Variants in LYPD1 observed in about 807,000 individuals in gnomAD.
The protein encoded by LYPD1 is ly6/PLAUR domain-containing protein 1.
LYPD1 carries 14 observed loss-of-function variants against 14.2 expected under a neutral mutation model. The ratio of observed to expected loss-of-function variants is 0.99; its 90% CI spans 0.65 to 1.54. The LOEUF (loss-of-function observed/expected upper bound fraction) is 1.54. LYPD1 is among the 40% of genes most tolerant of loss of function. The pLI, the probability that LYPD1 is intolerant of heterozygous loss-of-function variation, is 0.00. For missense variants in LYPD1, 165 were observed against 175.7 expected (o/e 0.94, Z 0.34); for synonymous variants, 85 against 70.6 (o/e 1.20, Z -1.02).
chr2:132,645,042 G>T lies in LYPD1; in HGVS notation c.*1003C>A. The T allele has an allele frequency of 6.5e-7, 1 of 1,537,378 alleles. No homozygotes were observed. The highest frequency in any genetic ancestry group is 1.3e-5 in the South Asian group (1 of 79,604). ...TATTTTATGGTTTTATTCATTTACT[G>T]TGTTCTCATGCTGTGTTTTTCTTTT... is the stretch of plus-strand genomic sequence containing the variant. On this transcript the variant is annotated 3_prime_UTR_variant, in exon 3 of 3. Transcript: ENST00000397463.
intron 2 of LYPD1, among the ~76,000 whole-genome samples, chr2:132,662,216 T>C (rs1483790380): frequency 6.6e-6 from 1 of 152,234 alleles, no homozygotes; most frequent in Non-Finnish European, 1.5e-5. Flanking sequence ...GGATAGTGAA[T>C]GGGGCAACTC....
chr2:132,660,883 C>T (rs73955780), intron 2 of LYPD1, among the ~76,000 whole-genome samples: 3,783 of 152,234 alleles, frequency 0.025, 144 homozygotes, highest in African/African-American at 0.079. Context: ...TCATTGTAGA[C>T]GACCAAATCA....
chr2:132,658,493 G>A (rs1411402829), intron 2 of LYPD1, among the ~76,000 whole-genome samples: 1 of 152,162 alleles, frequency 6.6e-6, no homozygotes, highest in East Asian at 1.9e-4. Flanking sequence ...AGCCATAGCT[G>A]CCTTGGCCTT....
Position 132,645,172 on chromosome 2 carries a change from C to G in LYPD1, c.*873G>C, listed in dbSNP as rs1681987002. 6.8e-6 allele frequency: 11 copies of G among 1,614,190 alleles called. No homozygotes were observed. The highest frequency in any genetic ancestry group is 9.3e-6 in the Non-Finnish European group (11 of 1,180,028). On this transcript the variant is annotated 3_prime_UTR_variant, in exon 3 of 3. Coordinates refer to ENST00000397463, the MANE Select transcript of LYPD1 (RefSeq NM_144586.7). ...TCGGAGGATCATGGCTGCGGCCAAA[C>G]CCAAGCACGACTGGACGAGGTCCTA... is the stretch of plus-strand genomic sequence containing the variant.
intron 2 of LYPD1, among the ~76,000 whole-genome samples, chr2:132,656,808 G>A (rs1359464136): frequency 6.6e-6 from 1 of 152,124 alleles, no homozygotes; most frequent in Non-Finnish European, 1.5e-5. Context: ...AACCCAACAA[G>A]AATGCTAACA....
chr2:132,665,439 G>A (rs1252915448), intron 2 of LYPD1, among the ~76,000 whole-genome samples: 1 of 152,172 alleles, frequency 6.6e-6, no homozygotes, highest in East Asian at 1.9e-4. Context: ...AGATTCTTTT[G>A]ACATCCACTT....
intron 2 of LYPD1, among the ~76,000 whole-genome samples, chr2:132,663,530 C>T (rs946485509): frequency 2.0e-5 from 3 of 152,216 alleles, no homozygotes; most frequent in Admixed American, 6.5e-5. Context: ...CTACCTCAAG[C>T]TTCCCAAAGT....
In LYPD1 at chr2:132,668,557, G is replaced by A; in HGVS notation, c.53-20C>T. ...CAAAGCCTGCGAGACAGACGCAGTCGGGTTCAGATCCGGCCCCCACAGAGC... is the reference window on the plus strand; with the variant it reads ...CAAAGCCTGCGAGACAGACGCAGTCAGGTTCAGATCCGGCCCCCACAGAGC... On this transcript the variant is annotated intron_variant, in intron 1 of 2. Transcript: ENST00000397463. 2 of 1,609,418 alleles carry A rather than the reference G, an allele frequency of 1.2e-6. No homozygotes were observed. The highest frequency in any genetic ancestry group is 8.5e-7 in the Non-Finnish European group (1 of 1,178,820).
intron 2 of LYPD1, chr2:132,646,518 AC>A (rs1682090650): frequency 2.6e-6 from 1 of 385,618 alleles, no homozygotes. Flanking sequence ...AGATGCCAAT[AC>A]CTGTGAATAC....
chr2:132,661,269 T>C (rs1356988943), intron 2 of LYPD1, among the ~76,000 whole-genome samples: 1 of 152,194 alleles, frequency 6.6e-6, no homozygotes, highest in Non-Finnish European at 1.5e-5. Flanking sequence ...ATGAATTATA[T>C]AATAGATGGG....
rs1289479638 is a variant in LYPD1 at position 132,644,560 on chromosome 2, C to T, written c.*1485G>A. On this transcript the variant is annotated 3_prime_UTR_variant, in exon 3 of 3. Transcript: ENST00000397463. ...TGGCGACAGGCTATTCCTGACTTTG[C>T]TTCCCCTGAAACTGAATGCAAAACC... Among the ~76,000 whole-genome samples, 2 of 152,220 alleles carry T rather than the reference C, an allele frequency of 1.3e-5. No individual in the cohort carries two copies. The highest frequency in any genetic ancestry group is 2.9e-5 in the Non-Finnish European group (2 of 68,044).
At position 132,668,500 on chromosome 2, in the gene LYPD1, T is replaced by G; in HGVS notation, c.90A>C (p.Glu30Asp). 2 of 1,611,974 alleles carry G rather than the reference T, an allele frequency of 1.2e-6. No individual in the cohort carries two copies. The change falls in exon 2 of 3, where the codon GAA becomes GAC. Residue 30 changes from glutamate to aspartate, a missense_variant. Physicochemically the swap from Glu to Asp is conservative, Grantham distance 45. Coordinates refer to ENST00000397463, the MANE Select transcript of LYPD1 (RefSeq NM_144586.7). ...ALQIQCYQCE[E>D]FQLNNDCSSP... is the part of the protein sequence containing the mutation. The stretch of plus-strand genomic sequence containing the variant: ...AGGAGCAGTCGTTGTTCAGCTGGAA[T>G]TCTTCACACTGGTAGCACTGGATTT...
rs200275938 is a variant in LYPD1, at chr2:132,668,360, C to T, written c.190+40G>A. On this transcript the variant is annotated intron_variant, in intron 2 of 2. Coordinates refer to ENST00000397463, the MANE Select transcript of LYPD1 (RefSeq NM_144586.7). ...GGCCCCCTCACTCCCACCCCACAGC[C>T]CAGGCTTAAGAGCGAGGGGGAGGGC... The T allele has an allele frequency of 1.0e-5, 16 of 1,575,182 alleles. No individual in the cohort carries two copies. The African/African-American group carries it at 2.2e-4, about 21-fold the overall frequency.
chr2:132,646,845 T>C (rs1682117803), intron 2 of LYPD1, among the ~76,000 whole-genome samples: 2 of 152,222 alleles, frequency 1.3e-5, no homozygotes, highest in Admixed American at 6.5e-5. Flanking sequence ...TGGCTGACCG[T>C]GTGTCCCTCA....
chr2:132,646,488 A>G (rs542338284), intron 2 of LYPD1: 2 of 401,068 alleles, frequency 5.0e-6, no homozygotes, highest in South Asian at 2.6e-4. Context: ...TTTTAACAAA[A>G]CTGTTCCAAA....
At chr2:132,661,168 C>G (rs1202315005) in intron 2 of LYPD1, among the ~76,000 whole-genome samples, 3 of 152,246 alleles carry the variant, frequency 2.0e-5, no homozygotes, top group East Asian at 3.9e-4. Context: ...GCATCTGGGA[C>G]CACCAACAGG....
In LYPD1 at chr2:132,655,174, G is replaced by A. The variant is rs376156578; in HGVS notation, c.191-8894C>T. ...AAATTGAGTGACTCATAGCAAACAG[G>A]TATTCTGCCCTGCTTCTCAGGGCAA... On this transcript the variant is annotated intron_variant, in intron 2 of 2. Transcript: ENST00000397463. Among the ~76,000 whole-genome samples, 39 of 152,212 alleles carry A rather than the reference G, an allele frequency of 2.6e-4. 1 individual carries two copies. Among genetic ancestry groups the A allele is most frequent in the African/African-American group, 8.7e-4 (36 of 41,530 alleles).
intron 2 of LYPD1, chr2:132,666,771 T>A (rs1683295533): frequency 6.6e-6 from 1 of 152,212 alleles, no homozygotes; most frequent in Non-Finnish European, 1.5e-5. Context: ...AGAAGAAATG[T>A]GTCTCAGAAA....
Position 132,645,860 on chromosome 2 carries a change from G to A in LYPD1, c.*185C>T, listed in dbSNP as rs10179785. The stretch of plus-strand genomic sequence containing the variant: ...CAAGTACATACTGAAAATTCAGTCA[G>A]GCTGAATTTATTCAGAATGCTTTAC... On this transcript the variant is annotated 3_prime_UTR_variant, in exon 3 of 3. Transcript: ENST00000397463. 286,286 of 656,426 alleles carry A rather than the reference G, an allele frequency of 0.44. 66,608 individuals carry two copies. The highest frequency in any genetic ancestry group is 0.55 in the South Asian group (24,735 of 44,900). The allele number at this position is 656,426 out of a possible 1,614,324, so 40.7% of individuals were successfully genotyped here.
Sources: allele counts gnomAD v4.1 joint callset (sites outside exome capture counted in the v4.1 genomes callset), GRCh38; gene constraint gnomAD v4.1.1; transcripts MANE v1.5; gene names NCBI Gene and HGNC (gene_info 2026-07-23, HGNC 2026-07-21).